The following C14orf93 variants were observed in gnomAD, a reference collection of about 807,000 sequenced individuals.
The protein encoded by C14orf93 is chromosome 14 open reading frame 93, also known as uncharacterized protein C14orf93.
A neutral mutation model predicts 44.0 loss-of-function variants in C14orf93; 23 were observed. The ratio of observed to expected loss-of-function variants is 0.52; its 90% CI spans 0.38 to 0.74. The LOEUF is 0.74. C14orf93 is among the 30% of genes least tolerant of loss of function. The probability of loss-of-function intolerance (pLI) is 0.00; values close to 1 mark genes in which losing one functional copy is unlikely to be tolerated. For missense variants in C14orf93, 579 were observed against 678.9 expected (o/e 0.85, Z 1.64); for synonymous variants, 253 against 265.7 (o/e 0.95, Z 0.46).
At position 22,987,100 on chromosome 14, in the gene C14orf93, C is replaced by A; in HGVS notation, c.*115G>T. ...GTAGAGACTGTGTTAAGAAAAGAGGCAAATTTGCTTTCTCAGACTGCACAG... is the reference window on the plus strand; with the variant it reads ...GTAGAGACTGTGTTAAGAAAAGAGGAAAATTTGCTTTCTCAGACTGCACAG... On this transcript the variant is annotated 3_prime_UTR_variant, in exon 7 of 7. Coordinates refer to ENST00000299088, the MANE Select transcript of C14orf93 (RefSeq NM_021944.4). This position sits in a 1 kb window ranked among gnomAD's most constrained non-coding sequence, Gnocchi z 5.6. The A allele has an allele frequency of 8.6e-7, 1 of 1,167,320 alleles. No individual in the cohort carries two copies. The highest frequency in any genetic ancestry group is 1.2e-6 in the Non-Finnish European group (1 of 844,352). The allele number at this position is 1,167,320 out of a possible 1,614,324, so 72.3% of individuals were successfully genotyped here.
At chr14:22,997,090 C>T (rs928790194) in intron 2 of C14orf93, among the ~76,000 whole-genome samples, 7 of 152,214 alleles carry the variant, frequency 4.6e-5, no homozygotes, top group East Asian at 3.9e-4. Context: ...TCCATCCTGT[C>T]GGCTTGGAAG....
intron 1 of C14orf93, among the ~76,000 whole-genome samples, chr14:23,001,499 C>T (rs2046294408): frequency 6.6e-6 from 1 of 152,186 alleles, no homozygotes; most frequent in African/African-American, 2.4e-5. Flanking sequence ...GAGTCTCGCT[C>T]TGTTGCCCAG....
Position 22,998,994 on chromosome 14 carries a change from G to A in C14orf93, c.30C>T (p.Ser10=). The A allele has an allele frequency of 1.9e-6, 3 of 1,612,624 alleles. No individual in the cohort carries two copies. The highest frequency in any genetic ancestry group is 2.5e-6 in the Non-Finnish European group (3 of 1,179,838). ...ATCTGGCCTCGCTGCCACTGGGAGG[G>A]GAGAAGAGAATGGTGGCACTGAAGG... is the stretch of plus-strand genomic sequence containing the variant. MSFSATILF[S]PPSGSEARCC... is the part of the protein sequence containing the mutation. Residue 10 remains serine (S), a synonymous_variant, in exon 2 of 7, where the codon TCC becomes TCT. Transcript: ENST00000299088.
intron 1 of C14orf93, among the ~76,000 whole-genome samples, chr14:23,003,886 A>T (rs1594675509): frequency 1.3e-4 from 2 of 15,028 alleles, no homozygotes; most frequent in Admixed American, 9.8e-4. Flanking sequence ...ATATATATAT[A>T]TATATATATA....
At chr14:23,001,939 G>C (rs1202678081) in intron 1 of C14orf93, among the ~76,000 whole-genome samples, 2 of 150,460 alleles carry the variant, frequency 1.3e-5, no homozygotes, top group African/African-American at 4.9e-5. Flanking sequence ...ACGAGGTCAG[G>C]AGATGGAGAC....
At chr14:22,998,297 G>C in intron 2 of C14orf93, 130 bp downstream of exon 2, 1 of 1,247,832 alleles carries the variant, frequency 8.0e-7, no homozygotes, top group South Asian at 1.9e-5. Flanking sequence ...AAAAGGAAAC[G>C]TGGTACTGTT....
Position 22,989,189 on chromosome 14 carries a change from C to T in C14orf93, c.1084+553G>A, listed in dbSNP as rs575560515. ...TTTGTTTTTGGTAAAGATTGGGTTT[C>T]GCCATGTTGCCCATGCTAGTCTCGA... On this transcript the variant is annotated intron_variant, in intron 5 of 6. Coordinates refer to ENST00000299088, the MANE Select transcript of C14orf93 (RefSeq NM_021944.4). 8.5e-5 allele frequency among the ~76,000 whole-genome samples: 13 copies of T among 152,256 alleles called. 1 individual carries two copies. The highest frequency in any genetic ancestry group is 6.2e-4 in the South Asian group (3 of 4,820).
intron 4 of C14orf93, 77 bp from the exon 5 acceptor site, chr14:22,989,922 C>A: frequency 6.8e-7 from 1 of 1,476,176 alleles, no homozygotes; most frequent in Non-Finnish European, 9.5e-7. Flanking sequence ...CAGCACTAAT[C>A]AACTTTGTGG....
intron 3 of C14orf93, among the ~76,000 whole-genome samples, chr14:22,990,610 C>T (rs1188751615): frequency 6.6e-6 from 1 of 151,372 alleles, no homozygotes; most frequent in African/African-American, 2.4e-5. Flanking sequence ...GCTCAGAGTA[C>T]GGGCACCTGC....
chr14:23,006,932 G>A (rs2046645512), intron 1 of C14orf93: 1 of 152,426 alleles, frequency 6.6e-6, no homozygotes, highest in Admixed American at 6.5e-5. Flanking sequence ...ATCTCGCCGG[G>A]TCACCGGGGA....
rs1391124598 is a variant in C14orf93 at position 22,987,999 on chromosome 14, G to A, written c.1101C>T (p.Tyr367=). The change falls in exon 6 of 7, where the codon TAC becomes TAT. Residue 367 remains tyrosine (Y), a synonymous_variant. Transcript: ENST00000299088. This position sits in a 1 kb window ranked among gnomAD's most constrained non-coding sequence, Gnocchi z 5.6. ...GGTACTCACGCCTCTTAGTAAGGAA[G>A]TAGGCCACACAGGCTCCTGGCGGGG... is the stretch of plus-strand genomic sequence containing the variant. ...DKELKGACVA[Y]FLTKRREYRN... is the part of the protein sequence containing the mutation. 2 of 1,613,088 alleles carry A rather than the reference G, an allele frequency of 1.2e-6. No individual in the cohort carries two copies. Among genetic ancestry groups the A allele is most frequent in the Middle Eastern group, 1.7e-4 (1 of 5,892 alleles).
chr14:23,005,862 C>T (rs2046597088), intron 1 of C14orf93: 1 of 152,324 alleles, frequency 6.6e-6, no homozygotes, highest in East Asian at 1.9e-4. Flanking sequence ...TCCCTTTCCT[C>T]CCAAGTCACA....
Position 22,985,959 on chromosome 14 carries a change from T to C in C14orf93, c.*1256A>G, listed in dbSNP as rs1443881637. ...TTTCCCTGCTAAAACAAACTTTCAA[T>C]GATTTCTCACTGCCCTTGGGTTGAA... On this transcript the variant is annotated 3_prime_UTR_variant, in exon 7 of 7. Coordinates refer to ENST00000299088, the MANE Select transcript of C14orf93 (RefSeq NM_021944.4). The C allele has an allele frequency of 2.0e-5, 3 of 151,860 alleles. No homozygotes were observed. Among genetic ancestry groups the C allele is most frequent in the African/African-American group, 7.2e-5 (3 of 41,384 alleles). 9.4% of individuals were successfully genotyped at this position (151,860 alleles called of 1,614,324 possible). A position where few individuals can be genotyped will look rare whatever the true frequency, so the allele number is the denominator to read the frequency against.
chr14:22,991,309 T>A (rs1245134444), intron 3 of C14orf93, among the ~76,000 whole-genome samples: 3 of 148,334 alleles, frequency 2.0e-5, no homozygotes, highest in Non-Finnish European at 4.5e-5. Context: ...GGTGGTGCCA[T>A]CTCAGCTCAC....
chr14:23,004,370 CTG>C (rs2046523457), intron 1 of C14orf93, among the ~76,000 whole-genome samples: 1 of 151,468 alleles, frequency 6.6e-6, no homozygotes, highest in Non-Finnish European at 1.5e-5. Context: ...ACCACCACAC[CTG>C]ACTAATGAAT....
intron 1 of C14orf93, chr14:23,006,362 A>C (rs2046618406): frequency 1.3e-5 from 2 of 152,214 alleles, no homozygotes; most frequent in South Asian, 2.1e-4. Flanking sequence ...AATGGTCTGC[A>C]AAAAATCCAA....
intron 1 of C14orf93, among the ~76,000 whole-genome samples, chr14:23,008,176 A>C (rs1054915108): frequency 4.0e-5 from 6 of 150,228 alleles, no homozygotes; most frequent in African/African-American, 1.0e-4. Flanking sequence ...AAAAAAAAAA[A>C]AAAACTCCCA....
chr14:22,998,489 T>C lies in C14orf93; in HGVS notation c.535A>G (p.Arg179Gly). The C allele has an allele frequency of 6.2e-7, 1 of 1,612,688 alleles. No individual in the cohort carries two copies. Among genetic ancestry groups the C allele is most frequent in the South Asian group, 1.1e-5 (1 of 90,956 alleles). ...PGPLGFPATQ[R>G]DMRLPGCTLA... ...GTGCACCCTGGGAGCCGCATGTCCC[T>C]CTGAGTTGCTGGGAAGCCCAAAGGC... Residue 179 changes from arginine to glycine, a missense_variant, in exon 2 of 7, where the codon AGG (arginine) becomes GGG (glycine). By Grantham distance (125) the Arg-to-Gly change is moderately radical. Coordinates refer to ENST00000299088, the MANE Select transcript of C14orf93 (RefSeq NM_021944.4).
intron 1 of C14orf93, among the ~76,000 whole-genome samples, chr14:23,008,184 C>T (rs969923180): frequency 3.3e-5 from 5 of 149,346 alleles, no homozygotes; most frequent in Admixed American, 3.3e-4. Flanking sequence ...AAAAAAACTC[C>T]CATCACTGTT....
Sources: gnomAD v4.1 joint callset for allele counts (sites outside exome capture counted in the v4.1 genomes callset) on GRCh38, gnomAD v4.1.1 for gene constraint, Gnocchi (gnomAD v3.1) non-coding constraint, MANE v1.5 for transcripts, NCBI Gene and HGNC (gene_info 2026-07-23, HGNC 2026-07-21) for gene names.